Variants in B4GALT2 observed in about 807,000 individuals in gnomAD.
B4GALT2 encodes beta-1,4-galactosyltransferase 2.
Under a neutral mutation model 33.2 loss-of-function variants are expected in B4GALT2, and 18 were observed. That is an observed-to-expected ratio of 0.54 (90% CI 0.38 to 0.80). The LOEUF is 0.80. Among genes scored for constraint, B4GALT2 ranks in the 30% least tolerant of loss-of-function variants. The pLI is 0.00. For synonymous variants in B4GALT2, 214 were observed against 217.6 expected, an observed-to-expected ratio of 0.98 and a Z score of 0.15; for missense variants, 404 against 526.2, an observed-to-expected ratio of 0.77 and a Z score of 2.27.
chr1:43,983,830 G>A (rs1225234132), intron 3 of B4GALT2, among the ~76,000 whole-genome samples: 3 of 152,160 alleles, frequency 2.0e-5, no homozygotes, highest in African/African-American at 7.2e-5. Flanking sequence ...AAGAGGAGGT[G>A]CAGGAGAGGG....
At chr1:43,987,939 T>C (rs961705091) in intron 6 of B4GALT2, among the ~76,000 whole-genome samples, 1 of 152,208 alleles carries the variant, frequency 6.6e-6, no homozygotes, top group Non-Finnish European at 1.5e-5. Flanking sequence ...GTGTCACATA[T>C]GCCCTCTTGT....
At chr1:43,985,202 C>T in intron 4 of B4GALT2, 76 bp from the exon 5 acceptor site, 2 of 1,566,526 alleles carry the variant, frequency 1.3e-6, no homozygotes, top group East Asian at 4.5e-5. Context: ...TTGGACATTC[C>T]CCCCGACCTG....
In B4GALT2 at chr1:43,985,351, C is replaced by T. The variant is rs762695769; in HGVS notation, c.814C>T (p.Pro272Ser). 3 of 1,610,972 alleles carry T rather than the reference C, an allele frequency of 1.9e-6. No individual in the cohort carries two copies. The highest frequency in any genetic ancestry group is 2.5e-6 in the Non-Finnish European group (3 of 1,178,856). ...TCAGTTTCTGAGAATCAATGGCTTCCCCAATGAGTACTGGGGCTGGGGTGG... is the reference window on the plus strand; with the variant it reads ...TCAGTTTCTGAGAATCAATGGCTTCTCCAATGAGTACTGGGGCTGGGGTGG... ...KAQFLRINGF[P>S]NEYWGWGGED... The change falls in exon 5 of 7, where the codon CCC becomes TCC. Residue 272 changes from proline to serine, a missense_variant. By Grantham distance (74) the Pro-to-Ser change is moderately conservative. Coordinates refer to ENST00000372324, the MANE Select transcript of B4GALT2 (RefSeq NM_003780.5).
Position 43,981,155 on chromosome 1 carries a change from T to C in B4GALT2, c.-6T>C. The C allele has an allele frequency of 6.3e-7, 1 of 1,598,344 alleles. No individual in the cohort carries two copies. ...CCCACTGGGCGGGCCAGTGGCCGCC[T>C]GCGGGATGAGCAGACTGCTGGGGGG... On this transcript the variant is annotated 5_prime_UTR_variant, in exon 2 of 7. Coordinates refer to ENST00000372324, the MANE Select transcript of B4GALT2 (RefSeq NM_003780.5). This position sits in a 1 kb window ranked among gnomAD's most constrained non-coding sequence, Gnocchi z 8.1.
In B4GALT2 at chr1:43,984,798, G is replaced by C; in HGVS notation, c.550-67G>C. ...GTAGATCCCCAGAGACTGCTCTGGA[G>C]AGTGGCAAAAGGGCAGGTGCTTGTT... is the stretch of plus-strand genomic sequence containing the variant. On this transcript the variant is annotated intron_variant, in intron 3 of 6. Transcript: ENST00000372324. The surrounding 1 kb of genome is among the most constrained non-coding windows in gnomAD (Gnocchi z 5.6). The C allele has an allele frequency of 1.3e-6, 2 of 1,525,674 alleles. No homozygotes were observed. Among genetic ancestry groups the C allele is most frequent in the Non-Finnish European group, 1.8e-6 (2 of 1,115,540 alleles). The allele number at this position is 1,525,674 out of a possible 1,614,324, so 94.5% of individuals were successfully genotyped here.
intron 6 of B4GALT2, chr1:43,986,216 G>C (rs757604428): frequency 6.5e-6 from 1 of 153,262 alleles, no homozygotes. Flanking sequence ...GCTCTGACTT[G>C]TGCTAAACTT....
rs553219764 is a variant in B4GALT2, at chr1:43,985,036, A to G, written c.721A>G (p.Met241Val). 5.6e-6 allele frequency: 9 copies of G among 1,613,818 alleles called. No homozygotes were observed. In the African/African-American group the frequency reaches 9.3e-5, roughly 17 times the overall value. Residue 241 changes from methionine (M) to valine (V), a missense_variant, in exon 4 of 7, where the codon ATG becomes GTG. Physicochemically the swap from Met to Val is conservative, Grantham distance 21. Transcript: ENST00000372324. ...GDQPRHFAIA[M>V]DKFGFRLPYA... is the part of the protein sequence containing the mutation. ...CCAACCCCGCCACTTTGCCATTGCC[A>G]TGGACAAGTTTGGCTTCCGGTGAGG...
At chr1:43,986,848 G>A (rs1004813810) in intron 6 of B4GALT2, among the ~76,000 whole-genome samples, 1 of 152,214 alleles carries the variant, frequency 6.6e-6, no homozygotes, top group African/African-American at 2.4e-5. Flanking sequence ...TGGAGCAGGA[G>A]AGAAAGTCAG....
chr1:43,990,448 A>C lies in B4GALT2; in HGVS notation c.1119A>C (p.Ter373CysextTer2), dbSNP rs2085717499. The C allele has an allele frequency of 1.2e-6, 2 of 1,613,898 alleles. No individual in the cohort carries two copies. Among genetic ancestry groups the C allele is most frequent in the Non-Finnish European group, 1.7e-6 (2 of 1,179,982 alleles). Reference sequence around the variant, plus strand: ...CTCCGTCGTGGCCCCCTCGGGGCTGACACTAATGGACAGAGGCTCTCGGTG... The same window carrying C: ...CTCCGTCGTGGCCCCCTCGGGGCTGCCACTAATGGACAGAGGCTCTCGGTG... ...GRPPSWPPRG[*>C] The change falls in exon 7 of 7, where the codon TGA (stop) becomes TGC (cysteine). Residue 373 changes from the stop codon to cysteine, a stop_lost. Coordinates refer to ENST00000372324, the MANE Select transcript of B4GALT2 (RefSeq NM_003780.5).
intron 1 of B4GALT2, among the ~76,000 whole-genome samples, chr1:43,980,875 A>G (rs575699511): frequency 5.3e-5 from 8 of 152,138 alleles, no homozygotes; most frequent in Admixed American, 3.9e-4. Flanking sequence ...GAGGAAGGTA[A>G]ATGTATGTGG....
intron 6 of B4GALT2, among the ~76,000 whole-genome samples, chr1:43,987,776 G>C (rs1290773712): frequency 1.3e-5 from 2 of 152,148 alleles, no homozygotes; most frequent in Non-Finnish European, 2.9e-5. Context: ...CCCTGCCCTT[G>C]CACGGTGTAC....
chr1:43,979,295 C>A lies in B4GALT2; in HGVS notation c.-269C>A, dbSNP rs2154303102. ...CGGTCCGTGGGTCTGCCCGGCCGCC[C>A]GGCCCCGCCCTGCCCCCCGGGGCGG... On this transcript the variant is annotated 5_prime_UTR_variant, in exon 1 of 7. Coordinates refer to ENST00000372324, the MANE Select transcript of B4GALT2 (RefSeq NM_003780.5). The surrounding 1 kb of genome is among the most constrained non-coding windows in gnomAD (Gnocchi z 4.8). 6.8e-6 allele frequency: 1 copy of A among 146,472 alleles called. No individual in the cohort carries two copies. Among genetic ancestry groups the A allele is most frequent in the South Asian group, 1.8e-4 (1 of 5,530 alleles). The allele number at this position is 146,472 out of a possible 1,614,324, so 9.1% of individuals were successfully genotyped here.
At chr1:43,987,298 A>G (rs1202371033) in intron 6 of B4GALT2, among the ~76,000 whole-genome samples, 3 of 152,168 alleles carry the variant, frequency 2.0e-5, no homozygotes, top group African/African-American at 7.2e-5. Flanking sequence ...TGTTGGATTC[A>G]TGGATTGGGT....
chr1:43,980,104 C>T (rs1283156737), intron 1 of B4GALT2: 3 of 1,426,474 alleles, frequency 2.1e-6, no homozygotes, highest in Non-Finnish European at 2.8e-6. Flanking sequence ...CTGTAGTTCT[C>T]TGTGTGTCTG....
chr1:43,991,136 T>G lies in B4GALT2; in HGVS notation c.*688T>G. Reference sequence around the variant, plus strand: ...TGTGTTTGTACATTGCACAGAAACTTGTGTGGGTGCTTTAGTAAAAAACGT... The same window carrying G: ...TGTGTTTGTACATTGCACAGAAACTGGTGTGGGTGCTTTAGTAAAAAACGT... On this transcript the variant is annotated 3_prime_UTR_variant, in exon 7 of 7. Transcript: ENST00000372324. 1 of 162,980 alleles carries G rather than the reference T, an allele frequency of 6.1e-6. No individual in the cohort carries two copies. Among genetic ancestry groups the G allele is most frequent in the Non-Finnish European group, 1.3e-5 (1 of 74,352 alleles). 10.1% of individuals were successfully genotyped at this position (162,980 alleles called of 1,614,324 possible). A position where few individuals can be genotyped will look rare whatever the true frequency, so the allele number is the denominator to read the frequency against.
intron 6 of B4GALT2, 87 bp downstream of exon 6, chr1:43,985,708 C>A (rs2085651513): frequency 3.1e-6 from 4 of 1,292,496 alleles, no homozygotes; most frequent in East Asian, 4.6e-5. Flanking sequence ...AATCCCTGAT[C>A]CCCCAGTGGG....
intron 1 of B4GALT2, chr1:43,980,221 A>C: frequency 1.5e-6 from 1 of 687,460 alleles, no homozygotes. Flanking sequence ...CTCTCTTGGA[A>C]CCACAGCTGG....
At chr1:43,980,100 T>C in intron 1 of B4GALT2, 2 of 1,435,276 alleles carry the variant, frequency 1.4e-6, no homozygotes, top group Admixed American at 4.8e-5. Flanking sequence ...GTGACTGTAG[T>C]TCTCTGTGTG....
chr1:43,985,442 GAGGGGGGGTGCAGACTGGGT>G, intron 5 of B4GALT2, 42 bp downstream of exon 5: 1 of 419,956 alleles, frequency 2.4e-6, no homozygotes, highest in Non-Finnish European at 4.0e-6. Context: ...GTGGGGGGGG[GAGGGGGGGTGCAGACTGGGT>G]GGGGTTCTTT....
Sources: gnomAD v4.1 joint callset for allele counts (sites outside exome capture counted in the v4.1 genomes callset) on GRCh38, gnomAD v4.1.1 for gene constraint, Gnocchi (gnomAD v3.1) non-coding constraint, MANE v1.5 for transcripts, NCBI Gene and HGNC (gene_info 2026-07-23, HGNC 2026-07-21) for gene names.